TESK2: variants seen among roughly 807,000 people sequenced by gnomAD.
TESK2 encodes the protein testis associated actin remodelling kinase 2, also known as dual specificity testis-specific protein kinase 2.
Under a neutral mutation model 57.1 loss-of-function variants are expected in TESK2, and 39 were observed. That is an observed-to-expected ratio of 0.68 (90% CI 0.53 to 0.89). TESK2 has a LOEUF of 0.89. Ranked by LOEUF, TESK2 falls within the 40% of genes least tolerant of loss-of-function variation. The pLI is 0.00. For missense variants in TESK2, 646 were observed against 732.1 expected, an observed-to-expected ratio of 0.88 and a Z score of 1.36; for synonymous variants, 249 against 267.9, an observed-to-expected ratio of 0.93 and a Z score of 0.69.
rs186616593 is a variant in TESK2 at position 45,484,535 on chromosome 1, A to T, written c.-87+6317T>A. Among the ~76,000 whole-genome samples the T allele has an allele frequency of 2.5e-4, 37 of 150,462 alleles. No individual in the cohort carries two copies. In the East Asian group the frequency reaches 6.7e-3, roughly 27 times the overall value. On this transcript the variant is annotated intron_variant, in intron 1 of 10. Coordinates refer to ENST00000372086, the MANE Select transcript of TESK2 (RefSeq NM_007170.3). ...CAGATCACTTGAGGTCAGGAGTTCA[A>T]GTCTAGCCTGGCCAACACGGTGAAA...
chr1:45,391,653 G>A (rs1338808083), intron 3 of TESK2, among the ~76,000 whole-genome samples: 1 of 152,036 alleles, frequency 6.6e-6, no homozygotes, highest in Non-Finnish European at 1.5e-5. Context: ...CCTTGAATTG[G>A]AATACTATAT....
intron 1 of TESK2, among the ~76,000 whole-genome samples, chr1:45,489,038 C>G (rs1388703631): frequency 6.6e-6 from 1 of 151,894 alleles, no homozygotes. Flanking sequence ...GTGGCTCCTG[C>G]CTGTGATCCC....
In TESK2 at chr1:45,348,015, A is replaced by T. The variant is rs1219609386; in HGVS notation, c.541-15T>A. 3 of 1,560,658 alleles carry T rather than the reference A, an allele frequency of 1.9e-6. No individual in the cohort carries two copies. The African/African-American group carries it at 4.1e-5, about 21-fold the overall frequency. ...ATCAGGCAGTTCTAGGGTTCCCAGG[A>T]AGGAAGAGAAAATAATGTGGCTCAG... On this transcript the variant is annotated splice_polypyrimidine_tract_variant and intron_variant, in intron 5 of 10. Coordinates refer to ENST00000372086, the MANE Select transcript of TESK2 (RefSeq NM_007170.3).
intron 1 of TESK2, among the ~76,000 whole-genome samples, chr1:45,484,581 A>T (rs1022066648): frequency 2.1e-4 from 32 of 151,622 alleles, no homozygotes; most frequent in Admixed American, 9.9e-4. Context: ...ACTAAAAATT[A>T]AAAAATTAGC....
chr1:45,439,358 T>C (rs908793020), intron 2 of TESK2, among the ~76,000 whole-genome samples: 3 of 152,190 alleles, frequency 2.0e-5, no homozygotes, highest in African/African-American at 7.2e-5. Context: ...ATTTATGAAA[T>C]GAAAGTGTAA....
At chr1:45,345,658 C>G in intron 10 of TESK2, 100 bp from the exon 11 acceptor site, 1 of 1,164,922 alleles carries the variant, frequency 8.6e-7, no homozygotes. Context: ...AAGCTGATAC[C>G]ATGGCCCTGT....
intron 3 of TESK2, among the ~76,000 whole-genome samples, chr1:45,411,019 C>T (rs1192020093): frequency 6.6e-6 from 1 of 152,136 alleles, no homozygotes; most frequent in East Asian, 1.9e-4. Context: ...CTTTGTAAAA[C>T]TAAGGAAAGG....
At chr1:45,394,673 G>GA (rs1266182245) in intron 3 of TESK2, among the ~76,000 whole-genome samples, 1 of 127,750 alleles carries the variant, frequency 7.8e-6, no homozygotes, top group Non-Finnish European at 1.6e-5. Flanking sequence ...AGACCAACAG[G>GA]AAACTCTTTT....
chr1:45,345,137 G>A lies in TESK2; in HGVS notation c.1419C>T (p.Gly473=), dbSNP rs55781739. 711 of 1,614,116 alleles carry A rather than the reference G, an allele frequency of 4.4e-4. 7 individuals carry two copies. The East Asian group carries it at 0.011, about 26-fold the overall frequency. Residue 473 remains glycine, a synonymous_variant, in exon 11 of 11, where the codon GGC becomes GGT. Transcript: ENST00000372086. ...FLHQEACPFV[G]REESLSDGPP... ...GCCCATCAGATAGCGATTCTTCCCGGCCCACAAATGGACAAGCCTCTTGAT... is the reference window on the plus strand; with the variant it reads ...GCCCATCAGATAGCGATTCTTCCCGACCCACAAATGGACAAGCCTCTTGAT...
chr1:45,402,808 C>A (rs1003938104), intron 3 of TESK2, among the ~76,000 whole-genome samples: 31 of 151,740 alleles, frequency 2.0e-4, no homozygotes, highest in Non-Finnish European at 7.4e-5. Flanking sequence ...GTATGTTTTT[C>A]CAGAATTTTT....
At chr1:45,465,569 C>T (rs1652518561) in intron 1 of TESK2, among the ~76,000 whole-genome samples, 1 of 152,066 alleles carries the variant, frequency 6.6e-6, no homozygotes, top group Non-Finnish European at 1.5e-5. Context: ...AACTGAGCTG[C>T]TTTGGTAGGA....
chr1:45,434,959 C>CTTTTTT (rs60515365), intron 2 of TESK2, among the ~76,000 whole-genome samples: 3 of 140,450 alleles, frequency 2.1e-5, no homozygotes, highest in Non-Finnish European at 3.1e-5. Flanking sequence ...ACTTTTCTTT[C>CTTTTTT]TTTTTTTTTT....
At chr1:45,392,202 C>T (rs1649174884) in intron 3 of TESK2, among the ~76,000 whole-genome samples, 1 of 152,176 alleles carries the variant, frequency 6.6e-6, no homozygotes, top group African/African-American at 2.4e-5. Flanking sequence ...TCTCCTGCCT[C>T]AGCCTCCTGA....
intron 2 of TESK2, among the ~76,000 whole-genome samples, chr1:45,434,866 T>C (rs1290914251): frequency 1.3e-5 from 2 of 152,168 alleles, no homozygotes; most frequent in Non-Finnish European, 2.9e-5. Context: ...ATTTGTCGAT[T>C]TTTGGTTTTG....
intron 4 of TESK2, among the ~76,000 whole-genome samples, chr1:45,375,676 T>A (rs533291934): frequency 2.6e-5 from 4 of 152,086 alleles, no homozygotes; most frequent in Non-Finnish European, 5.9e-5. Context: ...GGTGGGAGGA[T>A]CACTTGAGCC....
intron 4 of TESK2, among the ~76,000 whole-genome samples, chr1:45,373,502 T>C (rs115035263): frequency 1.8e-3 from 279 of 152,360 alleles, no homozygotes; most frequent in African/African-American, 6.5e-3. Flanking sequence ...TAGACAATCA[T>C]TCTGCCACTA....
At chr1:45,427,644 T>G (rs1650753962) in intron 2 of TESK2, among the ~76,000 whole-genome samples, 1 of 152,192 alleles carries the variant, frequency 6.6e-6, no homozygotes, top group Non-Finnish European at 1.5e-5. Context: ...TATGTTCAGT[T>G]AAATAAGCCA....
intron 3 of TESK2, among the ~76,000 whole-genome samples, chr1:45,390,944 A>G (rs1570680905): frequency 1.6e-5 from 2 of 124,926 alleles, no homozygotes; most frequent in Admixed American, 8.5e-5. Context: ...TTTGAGATGG[A>G]GTCTCACTCT....
At chr1:45,441,617 CTTTTT>C (rs763476517) in intron 2 of TESK2, among the ~76,000 whole-genome samples, 1 of 118,682 alleles carries the variant, frequency 8.4e-6, no homozygotes, top group African/African-American at 3.3e-5. Flanking sequence ...CAAAATTATT[CTTTTT>C]TTTTTTTTTT....
Sources: gnomAD v4.1 joint callset for allele counts (sites outside exome capture counted in the v4.1 genomes callset) on GRCh38, gnomAD v4.1.1 for gene constraint, MANE v1.5 for transcripts, NCBI Gene and HGNC (gene_info 2026-07-23, HGNC 2026-07-21) for gene names.